The following COPS5 variants were observed in gnomAD, a reference collection of about 807,000 sequenced individuals.
COPS5 encodes the protein COP9 signalosome complex subunit 5.
COPS5 carries 8 observed loss-of-function variants against 44.4 expected under a neutral mutation model. That is an observed-to-expected ratio of 0.18 (90% CI 0.11 to 0.32). COPS5 has a LOEUF of 0.32. Among genes scored for constraint, COPS5 ranks in the 10% least tolerant of loss-of-function variants. COPS5 has a pLI of 1.00. For synonymous variants in COPS5, 122 were observed against 142.8 expected, an observed-to-expected ratio of 0.85 and a Z score of 1.04; for missense variants, 159 against 406.4, an observed-to-expected ratio of 0.39 and a Z score of 5.23.
intron 5 of COPS5, among the ~76,000 whole-genome samples, chr8:67,051,995 C>A (rs1256285384): frequency 6.6e-6 from 1 of 152,072 alleles, no homozygotes; most frequent in Non-Finnish European, 1.5e-5. Flanking sequence ...GACATCTTTA[C>A]CTTAAGGAAC....
intron 5 of COPS5, 72 bp downstream of exon 5, chr8:67,056,447 G>T: frequency 2.0e-6 from 1 of 497,202 alleles, no homozygotes; most frequent in Non-Finnish European, 3.7e-6. Flanking sequence ...CTCTCACTGT[G>T]GCTTCCCAAA....
At chr8:67,061,043 T>C (rs1804601436) in intron 1 of COPS5, 1 of 164,082 alleles carries the variant, frequency 6.1e-6, no homozygotes, top group Non-Finnish European at 1.3e-5. Context: ...CTCTTTTTAC[T>C]CTCAAACATA....
At chr8:67,057,277 C>A in intron 4 of COPS5, 103 bp downstream of exon 4, 1 of 577,222 alleles carries the variant, frequency 1.7e-6, no homozygotes. Context: ...TGAGCCTAGG[C>A]GATGAAGGCT....
intron 6 of COPS5, among the ~76,000 whole-genome samples, chr8:67,050,987 G>T (rs1052908976): frequency 6.6e-6 from 1 of 151,738 alleles, no homozygotes; most frequent in Non-Finnish European, 1.5e-5. Flanking sequence ...CTTATGGCAG[G>T]GGCAGATCTC....
intron 3 of COPS5, 25 bp from the exon 4 acceptor site, chr8:67,057,470 C>T (rs2129537981): frequency 1.3e-6 from 2 of 1,512,980 alleles, no homozygotes; most frequent in Non-Finnish European, 1.8e-6. Context: ...TATTTAATAT[C>T]TGCTGATATA....
chr8:67,050,102 T>C (rs1460928816), intron 6 of COPS5, among the ~76,000 whole-genome samples: 1 of 151,526 alleles, frequency 6.6e-6, no homozygotes, highest in Non-Finnish European at 1.5e-5. Flanking sequence ...CCGGGGCTCA[T>C]GCCATTCTCC....
chr8:67,061,327 C>G, intron 1 of COPS5: 1 of 427,280 alleles, frequency 2.3e-6, no homozygotes. Context: ...CCAGGCCTCA[C>G]GCCTGTAATC....
intron 6 of COPS5, chr8:67,047,671 A>C: frequency 5.0e-6 from 3 of 604,958 alleles, no homozygotes; most frequent in Non-Finnish European, 6.0e-6. Context: ...AACAAGGGAG[A>C]AATGTAATTT....
intron 2 of COPS5, 33 bp from the exon 3 acceptor site, chr8:67,058,244 T>C: frequency 6.2e-7 from 1 of 1,606,496 alleles, no homozygotes; most frequent in South Asian, 1.1e-5. Flanking sequence ...AGTTTAAGAT[T>C]ACTCTTTAAT....
In COPS5 at chr8:67,058,224, G is replaced by A; in HGVS notation, c.379-13C>T. 3.1e-6 allele frequency: 5 copies of A among 1,610,804 alleles called. No individual in the cohort carries two copies. The highest frequency in any genetic ancestry group is 4.2e-6 in the Non-Finnish European group (5 of 1,178,058). ...CAAGGCGGCCAACCTAACAAATGAA[G>A]GGGCAAAAAAGTTTAAGATTACTCT... On this transcript the variant is annotated splice_polypyrimidine_tract_variant and intron_variant, in intron 2 of 7. Coordinates refer to ENST00000357849, the MANE Select transcript of COPS5 (RefSeq NM_006837.3).
intron 5 of COPS5, among the ~76,000 whole-genome samples, chr8:67,051,986 A>T (rs185239176): frequency 3.3e-5 from 5 of 152,324 alleles, no homozygotes; most frequent in Admixed American, 2.6e-4. Context: ...AAAGCATGAG[A>T]CATCTTTACC....
At chr8:67,055,049 A>G (rs910114009) in intron 5 of COPS5, among the ~76,000 whole-genome samples, 1 of 152,356 alleles carries the variant, frequency 6.6e-6, no homozygotes, top group Non-Finnish European at 1.5e-5. Flanking sequence ...CAGATACTCA[A>G]TGCTTAAAGC....
intron 6 of COPS5, among the ~76,000 whole-genome samples, chr8:67,046,824 C>CAAA (rs771868140): frequency 1.4e-3 from 61 of 43,512 alleles, no homozygotes; most frequent in East Asian, 2.1e-3. Flanking sequence ...ACTCTGTCTC[C>CAAA]AAAAAAAAAA....
At position 67,062,103 on chromosome 8, in the gene COPS5, T is replaced by C. The variant is rs1055026523; in HGVS notation, c.-107A>G. The C allele has an allele frequency of 3.2e-6, 5 of 1,570,994 alleles. No individual in the cohort carries two copies. The African/African-American group carries it at 6.8e-5, about 21-fold the overall frequency. On this transcript the variant is annotated 5_prime_UTR_variant, in exon 1 of 8. Transcript: ENST00000357849. ...CCTCCGCACCACGGGAACAAACTCTTACCTAGACTCTTGGGGCAGCCATGA... is the reference window on the plus strand; with the variant it reads ...CCTCCGCACCACGGGAACAAACTCTCACCTAGACTCTTGGGGCAGCCATGA...
intron 5 of COPS5, among the ~76,000 whole-genome samples, chr8:67,051,959 G>T (rs1461689510): frequency 1.3e-5 from 2 of 152,082 alleles, no homozygotes; most frequent in Non-Finnish European, 2.9e-5. Flanking sequence ...ATGCTTCTGT[G>T]TATCAGTGGA....
intron 1 of COPS5, chr8:67,060,354 A>G: frequency 2.5e-6 from 3 of 1,205,690 alleles, no homozygotes; most frequent in Non-Finnish European, 3.2e-6. Flanking sequence ...AAGCAAGCAG[A>G]TAACCAAGCA....
chr8:67,050,833 T>G (rs142231610), intron 6 of COPS5, among the ~76,000 whole-genome samples: 8 of 152,184 alleles, frequency 5.3e-5, no homozygotes, highest in Admixed American at 3.3e-4. Flanking sequence ...AGTTAAGCCC[T>G]ATTCCTCAAC....
rs748060462 is a variant in COPS5, at chr8:67,057,458, T to A, written c.508-13A>T. 6.4e-7 allele frequency: 1 copy of A among 1,563,866 alleles called. No individual in the cohort carries two copies. The highest frequency in any genetic ancestry group is 8.8e-7 in the Non-Finnish European group (1 of 1,139,164). ...TTGTTGGATCAATCTATAAGAAAGA[T>A]ATATTTAATATCTGCTGATATAAAA... On this transcript the variant is annotated splice_polypyrimidine_tract_variant and intron_variant, in intron 3 of 7. Coordinates refer to ENST00000357849, the MANE Select transcript of COPS5 (RefSeq NM_006837.3).
intron 2 of COPS5, 92 bp from the exon 3 acceptor site, chr8:67,058,303 C>T: frequency 7.9e-7 from 1 of 1,265,016 alleles, no homozygotes; most frequent in Non-Finnish European, 1.1e-6. Flanking sequence ...TCCTTCCCAT[C>T]TCCTTCTCCT....
Sources: allele counts gnomAD v4.1 joint callset (sites outside exome capture counted in the v4.1 genomes callset), GRCh38; gene constraint gnomAD v4.1.1; transcripts MANE v1.5; gene names NCBI Gene and HGNC (gene_info 2026-07-23, HGNC 2026-07-21).